Variants in CACNA2D1 observed in about 807,000 individuals in gnomAD.
CACNA2D1 encodes the protein calcium voltage-gated channel auxiliary subunit alpha2delta 1.
A neutral mutation model predicts 171.5 loss-of-function variants in CACNA2D1; 53 were observed. That is an observed-to-expected ratio of 0.31 (90% CI 0.25 to 0.39). CACNA2D1 has a LOEUF of 0.39. CACNA2D1 is among the 10% of genes least tolerant of loss of function. CACNA2D1 has a pLI of 1.00. For missense variants in CACNA2D1, 903 were observed against 1,299.8 expected (o/e 0.69, Z 4.69); for synonymous variants, 442 against 443.1 (o/e 1.00, Z 0.03).
At chr7:82,371,700 G>A (rs926377696) in intron 1 of CACNA2D1, among the ~76,000 whole-genome samples, 3 of 152,000 alleles carry the variant, frequency 2.0e-5, no homozygotes, top group Non-Finnish European at 2.9e-5. Flanking sequence ...TTAGACTCCC[G>A]AGTAGCTGGG....
rs149510838 is a variant in CACNA2D1, at chr7:81,982,624, G to A, written c.1898C>T (p.Ser633Leu). 2.3e-5 allele frequency: 37 copies of A among 1,585,658 alleles called. No individual in the cohort carries two copies. Among genetic ancestry groups the A allele is most frequent in the African/African-American group, 8.1e-5 (6 of 74,290 alleles). ...ARSKKGKMKDSETLKPDNFEE... is the reference protein window; with the variant it reads ...ARSKKGKMKDLETLKPDNFEE... ...AAAATTATCTGGCTTCAGGGTTTCC[G>A]AATCTGCAAAGATAATGTTACAGGA... The change falls in exon 24 of 39, where the codon TCG becomes TTG. Residue 633 changes from serine (S) to leucine (L), a missense_variant. Coordinates refer to ENST00000356860, the MANE Select transcript of CACNA2D1 (RefSeq NM_000722.4).
chr7:82,219,493 A>G (rs919584626), intron 3 of CACNA2D1, among the ~76,000 whole-genome samples: 3 of 152,102 alleles, frequency 2.0e-5, no homozygotes, highest in African/African-American at 7.2e-5. Flanking sequence ...CATTTAATAT[A>G]TAAGAATTAA....
At chr7:82,192,133 T>C (rs1311251520) in intron 3 of CACNA2D1, among the ~76,000 whole-genome samples, 5 of 151,744 alleles carry the variant, frequency 3.3e-5, no homozygotes, top group Admixed American at 2.6e-4. Flanking sequence ...CCTCAAGAAC[T>C]TTCAAATTTA....
chr7:82,400,564 T>A (rs1369078433), intron 1 of CACNA2D1, among the ~76,000 whole-genome samples: 1 of 151,694 alleles, frequency 6.6e-6, no homozygotes, highest in Non-Finnish European at 1.5e-5. Context: ...TCAAGATGGA[T>A]TAAAGACTTA....
chr7:82,425,148 G>A (rs916330629), intron 1 of CACNA2D1, among the ~76,000 whole-genome samples: 21 of 152,192 alleles, frequency 1.4e-4, no homozygotes, highest in African/African-American at 5.1e-4. Flanking sequence ...AAAAAAGGGA[G>A]TATAATGAAT....
chr7:82,039,301 T>C (rs144619999), intron 10 of CACNA2D1, among the ~76,000 whole-genome samples: 336 of 152,320 alleles, frequency 2.2e-3, no homozygotes, highest in African/African-American at 7.4e-3. Context: ...ATAAGGTACA[T>C]TGCACAGTTC....
intron 16 of CACNA2D1, among the ~76,000 whole-genome samples, chr7:82,006,786 A>G (rs1278479877): frequency 6.6e-6 from 1 of 152,110 alleles, no homozygotes; most frequent in South Asian, 2.1e-4. Flanking sequence ...AAGAATGGTA[A>G]TAGGCCCCCA....
chr7:82,060,462 G>A lies in CACNA2D1; in HGVS notation c.845C>T (p.Thr282Ile). ...IRTSVSEMLETLSDDDFVNVA... is the reference protein window; with the variant it reads ...IRTSVSEMLEILSDDDFVNVA... ...ATTCACGAAATCATCATCTGAGAGG[G>A]TTTCTAACATTTCGGAGACAGATGT... Residue 282 changes from threonine to isoleucine, a missense_variant, in exon 10 of 39, where the codon ACC becomes ATC. By Grantham distance (89) the Thr-to-Ile change is moderately conservative. Coordinates refer to ENST00000356860, the MANE Select transcript of CACNA2D1 (RefSeq NM_000722.4). 2 of 1,608,892 alleles carry A rather than the reference G, an allele frequency of 1.2e-6. No homozygotes were observed. The highest frequency in any genetic ancestry group is 1.7e-6 in the Non-Finnish European group (2 of 1,177,620).
At chr7:82,364,496 T>C (rs2129447550) in intron 1 of CACNA2D1, among the ~76,000 whole-genome samples, 1 of 152,328 alleles carries the variant, frequency 6.6e-6, no homozygotes, top group South Asian at 2.1e-4. Context: ...TGCCCTGGGA[T>C]ACCAAACTGC....
chr7:82,413,184 G>A (rs1827846620), intron 1 of CACNA2D1, among the ~76,000 whole-genome samples: 1 of 151,976 alleles, frequency 6.6e-6, no homozygotes, highest in Admixed American at 6.6e-5. Flanking sequence ...TTAGTCAATC[G>A]CTTTTAATCT....
intron 3 of CACNA2D1, among the ~76,000 whole-genome samples, chr7:82,176,693 G>C (rs561071343): frequency 1.3e-5 from 2 of 151,580 alleles, no homozygotes; most frequent in East Asian, 3.9e-4. Context: ...AGGGGGAAAA[G>C]TTATTTCTAG....
chr7:82,303,118 T>C (rs1370568190), intron 3 of CACNA2D1, among the ~76,000 whole-genome samples: 14 of 152,056 alleles, frequency 9.2e-5, no homozygotes, highest in Non-Finnish European at 1.8e-4. Context: ...CTCAGCCTCC[T>C]GAGTAGCTGG....
intron 3 of CACNA2D1, among the ~76,000 whole-genome samples, chr7:82,172,966 A>G (rs1796197011): frequency 6.6e-6 from 1 of 152,036 alleles, no homozygotes; most frequent in Admixed American, 6.6e-5. Context: ...TCTTCAGAAT[A>G]CACAGGAAGA....
At chr7:82,183,372 T>C (rs551839363) in intron 3 of CACNA2D1, among the ~76,000 whole-genome samples, 2 of 152,264 alleles carry the variant, frequency 1.3e-5, no homozygotes, top group Admixed American at 1.3e-4. Context: ...GAAAATGCAG[T>C]ACTGTCCCAA....
intron 1 of CACNA2D1, among the ~76,000 whole-genome samples, chr7:82,376,154 G>A (rs1544461): frequency 0.4 from 61,500 of 151,896 alleles, 12,950 homozygotes; most frequent in East Asian, 0.57. Flanking sequence ...CCCAAACATG[G>A]CTAAATCCTT....
intron 1 of CACNA2D1, among the ~76,000 whole-genome samples, chr7:82,389,149 TA>T (rs1431999141): frequency 8.3e-6 from 1 of 121,002 alleles, no homozygotes; most frequent in Non-Finnish European, 1.6e-5. Flanking sequence ...TATATATATT[TA>T]TATATATATA....
chr7:82,331,794 T>C (rs17156133), intron 3 of CACNA2D1, among the ~76,000 whole-genome samples: 12,697 of 152,202 alleles, frequency 0.083, 629 homozygotes, highest in African/African-American at 0.13. Flanking sequence ...GACTATGATG[T>C]CCAAATTACC....
In CACNA2D1 at chr7:81,961,965, T is replaced by C. The variant is rs895334993; in HGVS notation, c.2895A>G (p.Glu965=). Residue 965 remains glutamate, a synonymous_variant, in exon 36 of 39, where the codon GAA becomes GAG. Transcript: ENST00000356860. ...ASLSKQSCIT[E]QTQYFFDNDS... ...CGTTATCGAAGAAATACTGGGTTTG[T>C]TCAGTAATGCAGCTCTGCTTGGACA... is the stretch of plus-strand genomic sequence containing the variant. 1.2e-6 allele frequency: 2 copies of C among 1,611,896 alleles called. No homozygotes were observed. Among genetic ancestry groups the C allele is most frequent in the South Asian group, 1.1e-5 (1 of 91,050 alleles).
At position 82,012,253 on chromosome 7, in the gene CACNA2D1, G is replaced by GT; in HGVS notation, c.1273-11_1273-10insA. Reference sequence around the variant, plus strand: ...AAACATCCAAATATTCCTGTTTATGGGAAAAAAAAAAAAAGTCGTGGTTAA... The same window carrying GT: ...AAACATCCAAATATTCCTGTTTATGGTGAAAAAAAAAAAAAGTCGTGGTTAA... On this transcript the variant is annotated splice_polypyrimidine_tract_variant and intron_variant, in intron 14 of 38. Coordinates refer to ENST00000356860, the MANE Select transcript of CACNA2D1 (RefSeq NM_000722.4). The GT allele has an allele frequency of 7.7e-7, 1 of 1,297,826 alleles. No homozygotes were observed. The highest frequency in any genetic ancestry group is 1.1e-6 in the Non-Finnish European group (1 of 950,952). The allele number at this position is 1,297,826 out of a possible 1,614,324, so 80.4% of individuals were successfully genotyped here.
Sources: allele counts gnomAD v4.1 joint callset (sites outside exome capture counted in the v4.1 genomes callset), GRCh38; gene constraint gnomAD v4.1.1; transcripts MANE v1.5; gene names NCBI Gene and HGNC (gene_info 2026-07-23, HGNC 2026-07-21).